The following CADPS variants were observed in gnomAD, a reference collection of about 807,000 sequenced individuals.
The protein encoded by CADPS is calcium-dependent secretion activator 1.
In CADPS, 57 loss-of-function variants were observed where a neutral mutation model predicts 167.3. The ratio of observed to expected loss-of-function variants is 0.34; its 90% CI spans 0.28 to 0.42. The LOEUF (loss-of-function observed/expected upper bound fraction) is 0.42, where lower values mean the gene tolerates loss of function less well. CADPS is among the 20% of genes least tolerant of loss of function. The probability of loss-of-function intolerance (pLI) is 1.00; values close to 1 mark genes in which losing one functional copy is unlikely to be tolerated. For missense variants in CADPS, 1,414 were observed against 1,738.1 expected, an observed-to-expected ratio of 0.81 and a Z score of 3.32; for synonymous variants, 676 against 635.3, an observed-to-expected ratio of 1.06 and a Z score of -0.96.
At chr3:62,506,880 G>C (rs2066782119) in intron 17 of CADPS, among the ~76,000 whole-genome samples, 1 of 152,176 alleles carries the variant, frequency 6.6e-6, no homozygotes, top group African/African-American at 2.4e-5. Context: ...TAAAAGGCTG[G>C]TGCTATTTGT....
chr3:62,803,044 A>G (rs2093868933), intron 1 of CADPS, among the ~76,000 whole-genome samples: 1 of 152,166 alleles, frequency 6.6e-6, no homozygotes, highest in Non-Finnish European at 1.5e-5. Flanking sequence ...TGAGGCACAG[A>G]ACACTGGCCT....
At chr3:62,688,095 G>A (rs766639723) in intron 3 of CADPS, among the ~76,000 whole-genome samples, 2 of 151,988 alleles carry the variant, frequency 1.3e-5, no homozygotes, top group Non-Finnish European at 2.9e-5. Flanking sequence ...TCAGTTAATC[G>A]AGAATCAAGC....
chr3:62,496,061 T>C, intron 18 of CADPS, among the ~76,000 whole-genome samples: 1 of 148,236 alleles, frequency 6.7e-6, no homozygotes, highest in East Asian at 1.9e-4. Flanking sequence ...TCTTTTGTTT[T>C]TCTTTTCTTT....
In CADPS at chr3:62,544,564, T is replaced by C. The variant is rs1372014159; in HGVS notation, c.1966+5339A>G. ...ATTTTGTTGTGATGTTAATTAATAT[T>C]CTTGGAATGAAAAAAAATTAGACGT... On this transcript the variant is annotated intron_variant, in intron 11 of 29. Transcript: ENST00000383710. The surrounding 1 kb of genome is among the most constrained non-coding windows in gnomAD (Gnocchi z 4.4). Among the ~76,000 whole-genome samples the C allele has an allele frequency of 2.0e-5, 3 of 152,052 alleles. No individual in the cohort carries two copies. Among genetic ancestry groups the C allele is most frequent in the Admixed American group, 2.0e-4 (3 of 15,256 alleles).
At chr3:62,584,205 T>C (rs833643) in intron 8 of CADPS, among the ~76,000 whole-genome samples, 148,302 of 152,082 alleles carry the variant, frequency 0.98, 72,418 homozygotes, top group East Asian at 1. Flanking sequence ...TGGAGTTTCA[T>C]CATGTTGGTC....
rs547989741 is a variant in CADPS, at chr3:62,461,870, C to T, written c.3636+3497G>A. ...ACTAAATGTAAGCTCCCAAAAGGGC[C>T]GAGAACACACCTTTCTAGCTCGTTG... On this transcript the variant is annotated intron_variant, in intron 26 of 29. Coordinates refer to ENST00000383710, the MANE Select transcript of CADPS (RefSeq NM_003716.4). Among the ~76,000 whole-genome samples the T allele has an allele frequency of 5.9e-5, 9 of 152,250 alleles. No individual in the cohort carries two copies. The South Asian group carries it at 8.3e-4, about 14-fold the overall frequency.
At chr3:62,842,754 C>T (rs189799405) in intron 1 of CADPS, among the ~76,000 whole-genome samples, 3 of 152,118 alleles carry the variant, frequency 2.0e-5, no homozygotes, top group Non-Finnish European at 2.9e-5. Context: ...GCTTTATGAC[C>T]CATGCCCTCT....
At chr3:62,810,459 G>A (rs1379338522) in intron 1 of CADPS, among the ~76,000 whole-genome samples, 3 of 152,030 alleles carry the variant, frequency 2.0e-5, no homozygotes, top group Non-Finnish European at 2.9e-5. Context: ...AGCTTTTCAA[G>A]TACATGCCCA....
At chr3:62,600,742 C>T (rs188435514) in intron 6 of CADPS, among the ~76,000 whole-genome samples, 17 of 152,290 alleles carry the variant, frequency 1.1e-4, no homozygotes, top group East Asian at 5.8e-4. Flanking sequence ...GGAGATGCCC[C>T]GTGCAGAAAT....
rs150387606 is a variant in CADPS at position 62,421,472 on chromosome 3, G to C, written c.3777+16632C>G. On this transcript the variant is annotated intron_variant, in intron 28 of 29. Coordinates refer to ENST00000383710, the MANE Select transcript of CADPS (RefSeq NM_003716.4). This position sits in a 1 kb window ranked among gnomAD's most constrained non-coding sequence, Gnocchi z 4.7. ...ATGTACAAAGGCGGAACTGCGCCGT[G>C]CAGCTTATCCGCATGCACCCACAGC... is the stretch of plus-strand genomic sequence containing the variant. Among the ~76,000 whole-genome samples the C allele has an allele frequency of 1.3e-5, 2 of 152,322 alleles. No homozygotes were observed. Among genetic ancestry groups the C allele is most frequent in the African/African-American group, 4.8e-5 (2 of 41,578 alleles).
At chr3:62,672,873 C>T (rs966433346) in intron 3 of CADPS, among the ~76,000 whole-genome samples, 2 of 152,072 alleles carry the variant, frequency 1.3e-5, no homozygotes, top group South Asian at 2.1e-4. Context: ...CAGGGGCCTC[C>T]TAGAGGGCTG....
intron 28 of CADPS, among the ~76,000 whole-genome samples, chr3:62,411,704 C>A (rs1386325063): frequency 2.0e-5 from 3 of 152,160 alleles, no homozygotes; most frequent in Non-Finnish European, 4.4e-5. Context: ...GTGTTCTAAT[C>A]AAAGATTCAC....
chr3:62,649,744 G>A (rs1476549909), intron 5 of CADPS, among the ~76,000 whole-genome samples: 1 of 150,860 alleles, frequency 6.6e-6, no homozygotes, highest in Non-Finnish European at 1.5e-5. Context: ...TTGTAGAGAT[G>A]TCTCACTATG....
chr3:62,692,156 G>A (rs2079258524), intron 3 of CADPS, among the ~76,000 whole-genome samples: 1 of 151,590 alleles, frequency 6.6e-6, no homozygotes, highest in Non-Finnish European at 1.5e-5. Context: ...GAACTGCCTT[G>A]GAGTTTGTTT....
At chr3:62,445,055 G>T (rs945462537) in intron 27 of CADPS, among the ~76,000 whole-genome samples, 5 of 152,090 alleles carry the variant, frequency 3.3e-5, no homozygotes, top group Non-Finnish European at 5.9e-5. Flanking sequence ...TAATAGGCAG[G>T]GCAAAGTCTG....
chr3:62,426,100 C>T (rs779510748), intron 28 of CADPS, among the ~76,000 whole-genome samples: 6 of 152,242 alleles, frequency 3.9e-5, no homozygotes, highest in Admixed American at 2.6e-4. Context: ...CTTTTCTCTC[C>T]GCTGCAAAGC....
intron 1 of CADPS, among the ~76,000 whole-genome samples, chr3:62,817,377 T>A (rs1292353011): frequency 1.3e-5 from 2 of 152,146 alleles, no homozygotes; most frequent in East Asian, 3.9e-4. Context: ...ATTTTTCAGG[T>A]TGTCACACCA....
intron 6 of CADPS, among the ~76,000 whole-genome samples, chr3:62,600,366 C>T (rs1031710732): frequency 1.3e-5 from 2 of 152,100 alleles, no homozygotes; most frequent in African/African-American, 4.8e-5. Context: ...GCTATTATTA[C>T]TTTTGGTCTT....
At chr3:62,693,734 G>A (rs565518753) in intron 3 of CADPS, among the ~76,000 whole-genome samples, 18 of 150,658 alleles carry the variant, frequency 1.2e-4, no homozygotes, top group African/African-American at 3.9e-4. Flanking sequence ...GTAGTGAGCC[G>A]AGATTGCATC....
Sources: allele counts gnomAD v4.1 joint callset (sites outside exome capture counted in the v4.1 genomes callset), GRCh38; gene constraint gnomAD v4.1.1; non-coding constraint Gnocchi (gnomAD v3.1); transcripts MANE v1.5; gene names NCBI Gene and HGNC (gene_info 2026-07-23, HGNC 2026-07-21).